Variants in MSH3 observed in about 807,000 individuals in gnomAD.
The protein encoded by MSH3 is mutS homolog 3.
A neutral mutation model predicts 123.3 loss-of-function variants in MSH3; 106 were observed. That is an observed-to-expected ratio of 0.86 (90% CI 0.73 to 1.01). The LOEUF is 1.01. Among genes scored for constraint, MSH3 ranks in the 50% least tolerant of loss-of-function variants. The pLI, the probability that MSH3 is intolerant of heterozygous loss-of-function variation, is 0.00. For missense variants in MSH3, 1,459 were observed against 1,347.6 expected, an observed-to-expected ratio of 1.08 and a Z score of -1.29; for synonymous variants, 515 against 481.4, an observed-to-expected ratio of 1.07 and a Z score of -0.91.
chr5:80,662,447 G>A (rs1171318577), intron 2 of MSH3, among the ~76,000 whole-genome samples: 1 of 152,048 alleles, frequency 6.6e-6, no homozygotes, highest in Non-Finnish European at 1.5e-5. Context: ...AGACATAAGA[G>A]TCCCTGATTA....
intron 8 of MSH3, among the ~76,000 whole-genome samples, chr5:80,692,750 T>TTATA (rs542022858): frequency 1.4e-4 from 19 of 133,818 alleles, no homozygotes; most frequent in East Asian, 6.5e-4. Context: ...ATGTATATGT[T>TTATA]TAGATAAATA....
At chr5:80,657,134 G>A (rs1749312407) in intron 2 of MSH3, among the ~76,000 whole-genome samples, 1 of 152,060 alleles carries the variant, frequency 6.6e-6, no homozygotes, top group African/African-American at 2.4e-5. Context: ...TATGTAAAAG[G>A]CATTGAATAA....
At position 80,869,841 on chromosome 5, in the gene MSH3, T is replaced by TATACAC. The variant is rs376147429; in HGVS notation, c.3131-3274_3131-3273insTACACA. Among the ~76,000 whole-genome samples the TATACAC allele has an allele frequency of 1.5e-4, 20 of 132,532 alleles. No individual in the cohort carries two copies. The South Asian group carries it at 3.9e-3, about 26-fold the overall frequency. 86.9% of individuals were successfully genotyped at this position (132,532 alleles called of 152,430 possible). Reference sequence around the variant, plus strand: ...ATATATATACATATATACATATATATACACACACACACACACACACACTAT... The same window carrying TATACAC: ...ATATATATACATATATACATATATATATACACACACACACACACACACACACACTAT... On this transcript the variant is annotated intron_variant, in intron 22 of 23. Coordinates refer to ENST00000265081, the MANE Select transcript of MSH3 (RefSeq NM_002439.5).
chr5:80,839,600 A>G (rs1376598920), intron 20 of MSH3, among the ~76,000 whole-genome samples: 1 of 152,086 alleles, frequency 6.6e-6, no homozygotes, highest in African/African-American at 2.4e-5. Context: ...CCATTTATCA[A>G]TCTCCATCTT....
intron 8 of MSH3, among the ~76,000 whole-genome samples, chr5:80,697,742 T>C (rs930441236): frequency 1.3e-5 from 2 of 152,238 alleles, no homozygotes; most frequent in East Asian, 1.9e-4. Context: ...TAGAGAAATA[T>C]AGATGAATTT....
At chr5:80,678,803 A>G (rs1749898141) in intron 7 of MSH3, 124 bp from the exon 8 acceptor site, 5 of 1,047,016 alleles carry the variant, frequency 4.8e-6, no homozygotes, top group Non-Finnish European at 7.2e-6. Flanking sequence ...CTAACACTTT[A>G]GAAATAGAGT....
intron 7 of MSH3, among the ~76,000 whole-genome samples, chr5:80,677,631 G>T (rs1363811294): frequency 1.3e-5 from 2 of 152,176 alleles, no homozygotes; most frequent in Admixed American, 1.3e-4. Context: ...AGATCCCTGG[G>T]TGTCCATTCC....
chr5:80,666,375 A>G (rs1749570074), intron 3 of MSH3, among the ~76,000 whole-genome samples: 1 of 152,138 alleles, frequency 6.6e-6, no homozygotes, highest in Admixed American at 6.5e-5. Flanking sequence ...TTTTGCCTAT[A>G]ATTTTCAAGA....
chr5:80,805,587 C>G (rs893608792), intron 19 of MSH3, among the ~76,000 whole-genome samples: 8 of 81,240 alleles, frequency 9.8e-5, no homozygotes, highest in Non-Finnish European at 1.4e-4. Flanking sequence ...TGCCCCCCCC[C>G]CCTACCTTTT....
chr5:80,713,895 G>A (rs1224836810), intron 8 of MSH3, among the ~76,000 whole-genome samples: 1 of 152,148 alleles, frequency 6.6e-6, no homozygotes, highest in African/African-American at 2.4e-5. Flanking sequence ...CACCTTTCGG[G>A]TGGGAATCTG....
At chr5:80,818,836 G>A (rs1745151341) in intron 20 of MSH3, among the ~76,000 whole-genome samples, 1 of 152,180 alleles carries the variant, frequency 6.6e-6, no homozygotes, top group African/African-American at 2.4e-5. Context: ...CTACATTGGA[G>A]TTGCATTATG....
At chr5:80,761,481 G>A in intron 12 of MSH3, 65 bp from the exon 13 acceptor site, 2 of 1,588,170 alleles carry the variant, frequency 1.3e-6, no homozygotes, top group Non-Finnish European at 1.7e-6. Flanking sequence ...GGGCATTAGA[G>A]TGGGAAATGT....
At chr5:80,658,699 C>T (rs1222366555) in intron 2 of MSH3, among the ~76,000 whole-genome samples, 2 of 152,138 alleles carry the variant, frequency 1.3e-5, no homozygotes, top group Non-Finnish European at 2.9e-5. Flanking sequence ...CTCAAGCCAT[C>T]CTCCTGCCTT....
chr5:80,827,643 A>T (rs1745343690), intron 20 of MSH3, among the ~76,000 whole-genome samples: 1 of 152,216 alleles, frequency 6.6e-6, no homozygotes, highest in African/African-American at 2.4e-5. Context: ...ATGTCATCTT[A>T]TCAATATCTC....
In MSH3 at chr5:80,787,637, C is replaced by T. The variant is rs925414879; in HGVS notation, c.2508C>T (p.Ser836=). The change falls in exon 18 of 24, where the codon TCC becomes TCT. Residue 836 remains serine (S), a synonymous_variant. Coordinates refer to ENST00000265081, the MANE Select transcript of MSH3 (RefSeq NM_002439.5). ...TAGCAACTGTTGACTGCATTTTCTC[C>T]CTGGCCAAGGTCGCTAAGCAAGGAG... The part of the protein sequence containing the change: ...HHLATVDCIF[S]LAKVAKQGDY... The T allele has an allele frequency of 1.2e-6, 2 of 1,613,804 alleles. No homozygotes were observed. The highest frequency in any genetic ancestry group is 1.7e-5 in the Admixed American group (1 of 60,008).
rs1281713301 is a variant in MSH3 at position 80,747,174 on chromosome 5, T to A, written c.1763+2559T>A. 2.6e-5 allele frequency among the ~76,000 whole-genome samples: 4 copies of A among 152,204 alleles called. 1 individual carries two copies. The highest frequency in any genetic ancestry group is 1.3e-4 in the Admixed American group (2 of 15,284). ...CTGCTGGAAAGGCTGCCTAAACATC[T>A]ACTACAATTCTTACTGTGTTTTTGC... On this transcript the variant is annotated intron_variant, in intron 12 of 23. Coordinates refer to ENST00000265081, the MANE Select transcript of MSH3 (RefSeq NM_002439.5).
intron 20 of MSH3, among the ~76,000 whole-genome samples, chr5:80,832,576 C>G (rs1490523501): frequency 1.3e-5 from 2 of 151,048 alleles, no homozygotes; most frequent in Admixed American, 1.3e-4. Flanking sequence ...CTGAGATTGT[C>G]CCACTGCACT....
intron 20 of MSH3, among the ~76,000 whole-genome samples, chr5:80,845,168 T>G (rs1299586277): frequency 6.6e-6 from 1 of 152,156 alleles, no homozygotes; most frequent in Non-Finnish European, 1.5e-5. Context: ...GAAGCTTAGT[T>G]TGGCTGGATA....
At chr5:80,769,770 CA>C (rs1038520389) in intron 15 of MSH3, among the ~76,000 whole-genome samples, 1 of 151,874 alleles carries the variant, frequency 6.6e-6, no homozygotes, top group Non-Finnish European at 1.5e-5. Context: ...TCAGGATTTT[CA>C]AAAAATAGAT....
Sources: gnomAD v4.1 joint callset for allele counts (sites outside exome capture counted in the v4.1 genomes callset) on GRCh38, gnomAD v4.1.1 for gene constraint, MANE v1.5 for transcripts, NCBI Gene and HGNC (gene_info 2026-07-23, HGNC 2026-07-21) for gene names.